The following TLCD3A variants were observed in gnomAD, a reference collection of about 807,000 sequenced individuals.
The protein encoded by TLCD3A is TLC domain-containing protein 3A.
Under a neutral mutation model 29.9 loss-of-function variants are expected in TLCD3A, and 17 were observed. The ratio of observed to expected loss-of-function variants is 0.57; its 90% CI spans 0.39 to 0.85. TLCD3A has a LOEUF of 0.85. Among genes scored for constraint, TLCD3A ranks in the 40% least tolerant of loss-of-function variants. TLCD3A has a pLI of 0.00. For synonymous variants in TLCD3A, 143 were observed against 147.7 expected (o/e 0.97, Z 0.23); for missense variants, 332 against 350.8 (o/e 0.95, Z 0.43).
intron 1 of TLCD3A, 78 bp downstream of exon 1, chr17:732,847 G>T: frequency 5.1e-6 from 7 of 1,369,928 alleles, no homozygotes; most frequent in Non-Finnish European, 6.5e-6. Context: ...GGCCCAGGGC[G>T]GAAAAGGGGG....
intron 1 of TLCD3A, 99 bp from the exon 2 acceptor site, chr17:732,999 G>A: frequency 6.9e-7 from 1 of 1,454,664 alleles, no homozygotes; most frequent in Non-Finnish European, 9.3e-7. Context: ...CCCCACATCT[G>A]CCTGCGGCTG....
At chr17:735,832 G>T (rs368770708) in intron 2 of TLCD3A, among the ~76,000 whole-genome samples, 5 of 151,666 alleles carry the variant, frequency 3.3e-5, no homozygotes, top group Admixed American at 6.6e-5. Flanking sequence ...GAAAATAGCC[G>T]GACGTGGCGG....
In TLCD3A at chr17:732,671, C is replaced by A. The variant is rs1027683052; in HGVS notation, c.24C>A (p.Gly8=). MLLTLAG[G]ALFFPGLFAL... ...CGATGCTGCTGACGCTGGCCGGGGGCGCGCTCTTCTTCCCGGGGCTCTTCG... is the reference window on the plus strand; with the variant it reads ...CGATGCTGCTGACGCTGGCCGGGGGAGCGCTCTTCTTCCCGGGGCTCTTCG... Residue 8 remains glycine (G), a synonymous_variant, in exon 1 of 5, where the codon GGC becomes GGA. Transcript: ENST00000308278. 6 of 1,400,390 alleles carry A rather than the reference C, an allele frequency of 4.3e-6. No homozygotes were observed. In the African/African-American group the frequency reaches 9.0e-5, roughly 21 times the overall value. 86.7% of individuals were successfully genotyped at this position (1,400,390 alleles called of 1,614,324 possible).
rs149517521 is a variant in TLCD3A at position 735,798 on chromosome 17, G to A, written c.207-2048G>A. On this transcript the variant is annotated intron_variant, in intron 2 of 4. Transcript: ENST00000308278. ...TGGCCAACATGGTGAAACCCCCATC[G>A]CTACTTAAAAAGAAAAAAAAAAAGA... is the stretch of plus-strand genomic sequence containing the variant. Among the ~76,000 whole-genome samples, 1,273 of 151,122 alleles carry A rather than the reference G, an allele frequency of 8.4e-3. 15 individuals carry two copies. Among genetic ancestry groups the A allele is most frequent in the East Asian group, 0.057 (294 of 5,128 alleles).
intron 3 of TLCD3A, 141 bp downstream of exon 3, chr17:738,188 C>T (rs559343877): frequency 8.5e-5 from 56 of 656,124 alleles, no homozygotes; most frequent in Non-Finnish European, 4.5e-5. Flanking sequence ...CTCCGCCTCC[C>T]GGGTTCAAGC....
chr17:732,902 C>T (rs1207157853), intron 1 of TLCD3A, 133 bp downstream of exon 1: 30 of 1,367,820 alleles, frequency 2.2e-5, no homozygotes, highest in Non-Finnish European at 2.6e-5. Flanking sequence ...CCCGGCGGCC[C>T]GAGTTTCCGA....
Position 742,004 on chromosome 17 carries a change from C to G in TLCD3A, c.*434C>G, listed in dbSNP as rs989923065. ...CGCAGAAGCAAGGGATGACTTGGTT[C>G]TTGGAAGTAATGTCGTCTTGTGACA... On this transcript the variant is annotated 3_prime_UTR_variant, in exon 5 of 5. Coordinates refer to ENST00000308278, the MANE Select transcript of TLCD3A (RefSeq NM_024792.3). 2 of 206,314 alleles carry G rather than the reference C, an allele frequency of 9.7e-6. No individual in the cohort carries two copies. The highest frequency in any genetic ancestry group is 2.0e-5 in the Non-Finnish European group (2 of 101,236). The allele number at this position is 206,314 out of a possible 1,614,324, so 12.8% of individuals were successfully genotyped here. A position where few individuals can be genotyped will look rare whatever the true frequency, so the allele number is the denominator to read the frequency against.
intron 2 of TLCD3A, among the ~76,000 whole-genome samples, chr17:737,402 T>G (rs1273875407): frequency 6.6e-6 from 1 of 151,962 alleles, no homozygotes; most frequent in African/African-American, 2.4e-5. Context: ...ACTCACAGGT[T>G]CCAGGATTTA....
intron 1 of TLCD3A, 30 bp from the exon 2 acceptor site, chr17:733,066 AGC>A: frequency 6.6e-7 from 1 of 1,526,202 alleles, no homozygotes. Context: ...GACCGGACTG[AGC>A]GCGCGCGCTG....
chr17:732,892 C>G (rs1335522180), intron 1 of TLCD3A, 123 bp downstream of exon 1: 2 of 1,372,084 alleles, frequency 1.5e-6, no homozygotes, highest in East Asian at 3.1e-5. Context: ...CCCTCCGCGT[C>G]CCGGCGGCCC....
chr17:737,773 C>T, intron 2 of TLCD3A, 73 bp from the exon 3 acceptor site: 2 of 1,372,390 alleles, frequency 1.5e-6, no homozygotes, highest in Non-Finnish European at 2.1e-6. Flanking sequence ...TGATCAAGCA[C>T]CAAGCTTGGC....
At position 738,056 on chromosome 17, in the gene TLCD3A, T is replaced by G; in HGVS notation, c.408+9T>G. On this transcript the variant is annotated intron_variant, in intron 3 of 4. Coordinates refer to ENST00000308278, the MANE Select transcript of TLCD3A (RefSeq NM_024792.3). ...TTGTGCCAGTCGCACAGGTATGGCC[T>G]TCCAGGACAGCAGACCAGCAGCTGG... 1 of 1,500,282 alleles carries G rather than the reference T, an allele frequency of 6.7e-7. No homozygotes were observed. Among genetic ancestry groups the G allele is most frequent in the Non-Finnish European group, 9.2e-7 (1 of 1,090,586 alleles). The allele number at this position is 1,500,282 out of a possible 1,614,324, so 92.9% of individuals were successfully genotyped here. A position where few individuals can be genotyped will look rare whatever the true frequency, so the allele number is the denominator to read the frequency against.
chr17:732,740 C>T lies in TLCD3A; in HGVS notation c.93C>T (p.Ser31=). 1 of 1,454,244 alleles carries T rather than the reference C, an allele frequency of 6.9e-7. No individual in the cohort carries two copies. Among genetic ancestry groups the T allele is most frequent in the Non-Finnish European group, 9.0e-7 (1 of 1,105,686 alleles). 90.1% of individuals were successfully genotyped at this position (1,454,244 alleles called of 1,614,324 possible). The stretch of plus-strand genomic sequence containing the variant: ...TGCGCCGCTCCCAGCCCGGATGGAG[C>T]CGCACCGACTGCGTGATGATCAGCA... ...WALRRSQPGW[S]RTDCVMISTR... Residue 31 remains serine, a synonymous_variant, in exon 1 of 5, where the codon AGC becomes AGT. Transcript: ENST00000308278.
rs201389259 is a variant in TLCD3A, at chr17:737,859, C to G, written c.220C>G (p.Arg74Gly). 1 of 1,613,934 alleles carries G rather than the reference C, an allele frequency of 6.2e-7. No homozygotes were observed. Among genetic ancestry groups the G allele is most frequent in the Non-Finnish European group, 8.5e-7 (1 of 1,180,006 alleles). Residue 74 changes from arginine to glycine, a missense_variant, in exon 3 of 5, where the codon CGG becomes GGG. Physicochemically the swap from Arg to Gly is moderately radical, Grantham distance 125. Transcript: ENST00000308278. ...DVITGRHWLA[R>G]EYVWFLIPYM... ...GCTTTCTTTCAGGCACTGGCTTGCC[C>G]GGGAATATGTGTGGTTTCTGATTCC...
intron 3 of TLCD3A, 43 bp from the exon 4 acceptor site, chr17:740,462 C>T (rs777801693): frequency 6.8e-7 from 1 of 1,468,988 alleles, no homozygotes; most frequent in Admixed American, 1.7e-5. Flanking sequence ...CTGGTGGTTT[C>T]TTAACCTCCA....
chr17:737,092 A>G (rs1032751236), intron 2 of TLCD3A, among the ~76,000 whole-genome samples: 13 of 149,610 alleles, frequency 8.7e-5, no homozygotes, highest in Admixed American at 5.3e-4. Flanking sequence ...GCTCACTGCA[A>G]CCTCCGCCTC....
rs184581674 is a variant in TLCD3A at position 735,053 on chromosome 17, C to T, written c.206+1872C>T. Among the ~76,000 whole-genome samples the T allele has an allele frequency of 1.2e-3, 180 of 151,880 alleles. 1 individual carries two copies. Among genetic ancestry groups the T allele is most frequent in the African/African-American group, 4.1e-3 (171 of 41,408 alleles). On this transcript the variant is annotated intron_variant, in intron 2 of 4. Transcript: ENST00000308278. ...CTTTCTTTTTATTGAGATGGAGTCTCACTCTGTCACTCAGACTGGAGTGCA... is the reference window on the plus strand; with the variant it reads ...CTTTCTTTTTATTGAGATGGAGTCTTACTCTGTCACTCAGACTGGAGTGCA...
chr17:738,094 G>GTATTTTTTTTTTT, intron 3 of TLCD3A, 47 bp downstream of exon 3: 2 of 428,608 alleles, frequency 4.7e-6, no homozygotes, highest in Non-Finnish European at 7.0e-6. Context: ...TGAGCTGGGT[G>GTATTTTTTTTTTT]TCTTTTTTTT....
At chr17:732,804 G>C in intron 1 of TLCD3A, 35 bp downstream of exon 1, 4 of 1,430,196 alleles carry the variant, frequency 2.8e-6, no homozygotes, top group African/African-American at 1.5e-5. Flanking sequence ...CCGAGGCCCG[G>C]GGCGCTGCCC....
Sources: gnomAD v4.1 joint callset for allele counts (sites outside exome capture counted in the v4.1 genomes callset) on GRCh38, gnomAD v4.1.1 for gene constraint, MANE v1.5 for transcripts, NCBI Gene and HGNC (gene_info 2026-07-23, HGNC 2026-07-21) for gene names.